CACNB4: variants seen among roughly 807,000 people sequenced by gnomAD.
The protein encoded by CACNB4 is voltage-dependent L-type calcium channel subunit beta-4.
Under a neutral mutation model 71.2 loss-of-function variants are expected in CACNB4, and 32 were observed. The observed-to-expected ratio is 0.45, with a 90% CI of 0.34 to 0.60. CACNB4 has a LOEUF of 0.60. CACNB4 is among the 20% of genes least tolerant of loss of function. The pLI is 0.01. For missense variants in CACNB4, 464 were observed against 647.9 expected, an observed-to-expected ratio of 0.72 and a Z score of 3.08; for synonymous variants, 231 against 236.9, an observed-to-expected ratio of 0.97 and a Z score of 0.23.
At chr2:151,945,877 A>C (rs1305209402) in intron 2 of CACNB4, among the ~76,000 whole-genome samples, 2 of 6,756 alleles carry the variant, frequency 3.0e-4, no homozygotes, top group Non-Finnish European at 1.7e-3. Context: ...CCTGTCTTTA[A>C]AAAAAAAAAA....
intron 2 of CACNB4, chr2:151,883,717 C>T (rs2099848563): frequency 1.6e-5 from 5 of 321,388 alleles, no homozygotes; most frequent in Non-Finnish European, 3.0e-5. Flanking sequence ...TTTGCATATA[C>T]ATCTAAAGGA....
intron 12 of CACNB4, chr2:151,850,566 C>T (rs2099838815): frequency 6.6e-6 from 1 of 152,126 alleles, no homozygotes; most frequent in South Asian, 2.1e-4. Flanking sequence ...CTTTGAAAAG[C>T]CAGTTCTCTT....
At chr2:151,985,767 G>A (rs926929007) in intron 2 of CACNB4, among the ~76,000 whole-genome samples, 5 of 151,806 alleles carry the variant, frequency 3.3e-5, no homozygotes, top group African/African-American at 1.2e-4. Context: ...TCTGAGTGAG[G>A]AATGTCCATC....
chr2:151,924,001 A>G (rs1257784288), intron 2 of CACNB4, among the ~76,000 whole-genome samples: 1 of 151,132 alleles, frequency 6.6e-6, no homozygotes, highest in Non-Finnish European at 1.5e-5. Flanking sequence ...TCTATGATAC[A>G]TTATATACCT....
At chr2:151,954,922 C>G (rs1468366343) in intron 2 of CACNB4, among the ~76,000 whole-genome samples, 1 of 133,480 alleles carries the variant, frequency 7.5e-6, no homozygotes, top group Admixed American at 8.9e-5. Flanking sequence ...GGGGCGATCT[C>G]AGCTCACTGC....
At chr2:152,021,675 T>G (rs1223708297) in intron 2 of CACNB4, among the ~76,000 whole-genome samples, 2 of 152,212 alleles carry the variant, frequency 1.3e-5, no homozygotes, top group Admixed American at 1.3e-4. Context: ...TCAATGATGC[T>G]TTATCAAGGA....
At chr2:151,971,935 G>C (rs1439480650) in intron 2 of CACNB4, 1 of 341,664 alleles carries the variant, frequency 2.9e-6, no homozygotes, top group Non-Finnish European at 5.6e-6. Context: ...GGCCACCACT[G>C]AGTCACCAGG....
chr2:152,035,588 CCTCTCTCTCTCTCTTT>C (rs1176896923), intron 2 of CACNB4, among the ~76,000 whole-genome samples: 6 of 123,710 alleles, frequency 4.9e-5, no homozygotes, highest in Non-Finnish European at 7.0e-5. Context: ...TCTCTCTCTC[CCTCTCTCTCTCTCTTT>C]CTCTCTCTCT....
intron 2 of CACNB4, chr2:151,968,735 T>TTGGG: frequency 6.6e-6 from 1 of 152,212 alleles, no homozygotes; most frequent in Admixed American, 6.5e-5. Context: ...ATTGAGTACA[T>TTGGG]ACAAAGGGAG....
intron 2 of CACNB4, among the ~76,000 whole-genome samples, chr2:152,023,906 T>G (rs142853306): frequency 7.2e-5 from 11 of 152,348 alleles, no homozygotes; most frequent in African/African-American, 2.2e-4. Flanking sequence ...TAGAACTGTG[T>G]CCTGGAGGCA....
At chr2:151,923,472 A>G (rs1402074232) in intron 2 of CACNB4, among the ~76,000 whole-genome samples, 1 of 152,190 alleles carries the variant, frequency 6.6e-6, no homozygotes, top group Non-Finnish European at 1.5e-5. Flanking sequence ...CAGCAGGCCC[A>G]TGACCCCGTG....
intron 2 of CACNB4, among the ~76,000 whole-genome samples, chr2:151,988,301 C>T (rs1429178689): frequency 6.6e-6 from 1 of 152,180 alleles, no homozygotes. Flanking sequence ...TATTCACTTA[C>T]ATTCTGGACC....
In CACNB4 at chr2:151,882,968, T is replaced by G. The variant is rs2099848349; in HGVS notation, c.267+283A>C. 1.9e-5 allele frequency: 8 copies of G among 414,106 alleles called. No homozygotes were observed. In the East Asian group the frequency reaches 3.8e-4, roughly 19 times the overall value. The allele number at this position is 414,106 out of a possible 1,614,324, so 25.7% of individuals were successfully genotyped here. ...GGGCCAGCTGGTGCCTGGGGGGCTGTCTGCCAACACTGGGCATGGGAGGTT... is the reference window on the plus strand; with the variant it reads ...GGGCCAGCTGGTGCCTGGGGGGCTGGCTGCCAACACTGGGCATGGGAGGTT... On this transcript the variant is annotated intron_variant, in intron 3 of 13. Coordinates refer to ENST00000539935, the MANE Select transcript of CACNB4 (RefSeq NM_000726.5).
chr2:151,904,482 T>C (rs1456063637), intron 2 of CACNB4, among the ~76,000 whole-genome samples: 1 of 151,844 alleles, frequency 6.6e-6, no homozygotes, highest in Non-Finnish European at 1.5e-5. Flanking sequence ...ATATACACCA[T>C]AAATTAGTGA....
At chr2:152,074,661 T>C (rs1686902822) in intron 2 of CACNB4, among the ~76,000 whole-genome samples, 2 of 52,060 alleles carry the variant, frequency 3.8e-5, no homozygotes, top group Non-Finnish European at 7.1e-5. Context: ...CATCACCCCC[T>C]CACCATTACC....
rs115525727 is a variant in CACNB4 at position 152,064,851 on chromosome 2, T to C, written c.147+33479A>G. Among the ~76,000 whole-genome samples, 495 of 152,248 alleles carry C rather than the reference T, an allele frequency of 3.3e-3. 2 individuals carry two copies. The highest frequency in any genetic ancestry group is 0.011 in the African/African-American group (477 of 41,528). ...ACCATAAAATCTAAGAAATTCTGTC[T>C]AGATTGTCATAAAATCCAAGAAATC... On this transcript the variant is annotated intron_variant, in intron 2 of 13. Coordinates refer to ENST00000539935, the MANE Select transcript of CACNB4 (RefSeq NM_000726.5).
At chr2:151,859,422 C>A (rs1317539969) in intron 10 of CACNB4, 2 of 152,174 alleles carry the variant, frequency 1.3e-5, no homozygotes, top group African/African-American at 4.8e-5. Context: ...GCCAAAGACA[C>A]TATAAGGAGT....
chr2:152,043,361 T>A (rs144220257), intron 2 of CACNB4, among the ~76,000 whole-genome samples: 257 of 152,320 alleles, frequency 1.7e-3, no homozygotes, highest in African/African-American at 6.0e-3. Context: ...CTCACTTTGT[T>A]ATCTAGGCTG....
At chr2:151,935,546 G>C (rs2099862725) in intron 2 of CACNB4, among the ~76,000 whole-genome samples, 1 of 152,182 alleles carries the variant, frequency 6.6e-6, no homozygotes, top group Non-Finnish European at 1.5e-5. Flanking sequence ...CTGGTTATCT[G>C]AACCTAGCGA....
Sources: gnomAD v4.1 joint callset for allele counts (sites outside exome capture counted in the v4.1 genomes callset) on GRCh38, gnomAD v4.1.1 for gene constraint, MANE v1.5 for transcripts, NCBI Gene and HGNC (gene_info 2026-07-23, HGNC 2026-07-21) for gene names.